Variants in RALGAPA1 observed in about 807,000 individuals in gnomAD.
RALGAPA1 encodes the protein Ral GTPase activating protein catalytic subunit alpha 1.
RALGAPA1 carries 52 observed loss-of-function variants against 269.6 expected under a neutral mutation model. That is an observed-to-expected ratio of 0.19 (90% CI 0.15 to 0.24). RALGAPA1 has a LOEUF of 0.24. RALGAPA1 is among the 10% of genes least tolerant of loss of function. The pLI is 1.00. For synonymous variants in RALGAPA1, 817 were observed against 1,008.3 expected, an observed-to-expected ratio of 0.81 and a Z score of 3.60; for missense variants, 1,917 against 3,013.9, an observed-to-expected ratio of 0.64 and a Z score of 8.52.
intron 22 of RALGAPA1, chr14:35,676,095 G>C (rs1318833352): frequency 6.6e-6 from 1 of 152,054 alleles, no homozygotes; most frequent in African/African-American, 2.4e-5. Context: ...CCCTACTCCA[G>C]AGCACCTTCA....
chr14:35,576,814 C>T, intron 37 of RALGAPA1, among the ~76,000 whole-genome samples: 1 of 152,288 alleles, frequency 6.6e-6, no homozygotes, highest in African/African-American at 2.4e-5. Context: ...GGATTCAAAC[C>T]AAGGCAGGCT....
chr14:35,694,595 C>A (rs1470844710), intron 17 of RALGAPA1, among the ~76,000 whole-genome samples: 1 of 152,110 alleles, frequency 6.6e-6, no homozygotes, highest in Non-Finnish European at 1.5e-5. Flanking sequence ...TCATTTAAAC[C>A]ACTAAAATTT....
chr14:35,685,492 A>G (rs550237733), intron 19 of RALGAPA1, among the ~76,000 whole-genome samples: 1 of 152,264 alleles, frequency 6.6e-6, no homozygotes, highest in Non-Finnish European at 1.5e-5. Context: ...GACAGCAAAG[A>G]TGTCATTCAA....
At chr14:35,761,171 CATT>C (rs1267705290) in intron 5 of RALGAPA1, among the ~76,000 whole-genome samples, 165 bp from the exon 6 acceptor site, 1 of 152,124 alleles carries the variant, frequency 6.6e-6, no homozygotes, top group Non-Finnish European at 1.5e-5. Context: ...CTATTGAAAT[CATT>C]ATTTAGAAAT....
chr14:35,635,542 C>T lies in RALGAPA1; in HGVS notation c.5733G>A (p.Lys1911=). 1 of 1,608,216 alleles carries T rather than the reference C, an allele frequency of 6.2e-7. No homozygotes were observed. Among genetic ancestry groups the T allele is most frequent in the Non-Finnish European group, 8.5e-7 (1 of 1,177,268 alleles). ...LLDWIMALPL[K]TLLQPFHATG... ...TAGCATGAAATGGTTGGAGCAGTGT[C>T]TTTAGAGGTAAGGCCATGATCCAGT... Residue 1911 remains lysine, a synonymous_variant, in exon 32 of 42, where the codon AAG becomes AAA. Coordinates refer to ENST00000680220, the MANE Select transcript of RALGAPA1 (RefSeq NM_001346249.2).
intron 6 of RALGAPA1, among the ~76,000 whole-genome samples, chr14:35,760,626 T>C (rs2073619499): frequency 6.6e-6 from 1 of 152,218 alleles, no homozygotes; most frequent in South Asian, 2.1e-4. Flanking sequence ...CCCTTCCTCT[T>C]GGGAACTGTG....
chr14:35,783,714 T>C (rs1036368139), intron 1 of RALGAPA1, among the ~76,000 whole-genome samples: 5 of 152,202 alleles, frequency 3.3e-5, no homozygotes, highest in Non-Finnish European at 5.9e-5. Flanking sequence ...AGAATTCTTA[T>C]AATTCAATTG....
intron 14 of RALGAPA1, chr14:35,723,931 A>G (rs1328200674): frequency 6.6e-6 from 1 of 152,112 alleles, no homozygotes; most frequent in Non-Finnish European, 1.5e-5. Context: ...TCATAAAATA[A>G]CGATTCTCAA....
At chr14:35,653,910 C>T (rs1004412212) in intron 30 of RALGAPA1, among the ~76,000 whole-genome samples, 1 of 152,146 alleles carries the variant, frequency 6.6e-6, no homozygotes, top group African/African-American at 2.4e-5. Context: ...GTTTTCCCTA[C>T]TTAAGAGGGA....
intron 4 of RALGAPA1, among the ~76,000 whole-genome samples, chr14:35,767,284 T>G (rs565369109): frequency 1.3e-5 from 2 of 152,152 alleles, no homozygotes; most frequent in Admixed American, 1.3e-4. Context: ...ATGCTAAAAT[T>G]TATGGGATGG....
At chr14:35,725,857 T>A (rs989982932) in intron 13 of RALGAPA1, among the ~76,000 whole-genome samples, 1 of 152,194 alleles carries the variant, frequency 6.6e-6, no homozygotes, top group African/African-American at 2.4e-5. Flanking sequence ...TTCTTTCCAC[T>A]CTTTTCATTA....
chr14:35,589,914 G>A (rs955036872), intron 37 of RALGAPA1, among the ~76,000 whole-genome samples: 6 of 151,892 alleles, frequency 4.0e-5, no homozygotes, highest in Admixed American at 6.6e-5. Context: ...GACTGATATC[G>A]AACTCCTGAG....
chr14:35,541,623 T>A (rs147335890), intron 41 of RALGAPA1: 1 of 418,424 alleles, frequency 2.4e-6, no homozygotes, highest in African/African-American at 2.0e-5. Flanking sequence ...TGACCCCCTT[T>A]AGGGAAGCAC....
At chr14:35,734,278 G>A (rs2070771651) in intron 12 of RALGAPA1, among the ~76,000 whole-genome samples, 1 of 152,078 alleles carries the variant, frequency 6.6e-6, no homozygotes, top group African/African-American at 2.4e-5. Context: ...CAAATCTGGA[G>A]GTATCACACT....
In RALGAPA1 at chr14:35,570,675, C is replaced by T. The variant is rs763875051; in HGVS notation, c.7438G>A (p.Ala2480Thr). ...GCACGGCTTGCATTTATAGCTGTTG[C>T]TCTAACCATAATGGGTAGAACCTTT... Reference protein sequence around the residue: ...NGKVLPIMVRATAINASRALK... With the variant: ...NGKVLPIMVRTTAINASRALK... Residue 2480 changes from alanine to threonine, a missense_variant, in exon 39 of 42, where the codon GCA (alanine) becomes ACA (threonine). Around this residue, in one of 11 missense-constraint regions of RALGAPA1, gnomAD observed 91 missense variants for 130.9 expected, o/e 0.70. Transcript: ENST00000680220. 2.5e-6 allele frequency: 4 copies of T among 1,611,342 alleles called. No individual in the cohort carries two copies. The highest frequency in any genetic ancestry group is 1.7e-4 in the Middle Eastern group (1 of 5,940).
chr14:35,657,250 G>A (rs1169142700), intron 28 of RALGAPA1, among the ~76,000 whole-genome samples: 2 of 150,388 alleles, frequency 1.3e-5, no homozygotes, highest in Non-Finnish European at 1.5e-5. Context: ...GTGCAGTGGC[G>A]CGATCTCGGC....
rs769486534 is a variant in RALGAPA1 at position 35,674,501 on chromosome 14, C to T, written c.4818+15G>A. 6.3e-7 allele frequency: 1 copy of T among 1,592,124 alleles called. No individual in the cohort carries two copies. On this transcript the variant is annotated intron_variant, in intron 23 of 41. Transcript: ENST00000680220. The stretch of plus-strand genomic sequence containing the variant: ...TTATTTTCTTCTCCACTTATATCCG[C>T]TATTTCTTTTTTACCTTAGCTAGAT...
At chr14:35,583,334 G>A (rs942335964) in intron 37 of RALGAPA1, among the ~76,000 whole-genome samples, 1 of 152,118 alleles carries the variant, frequency 6.6e-6, no homozygotes, top group Admixed American at 6.6e-5. Flanking sequence ...TCTTTGATAG[G>A]CTCATTCACA....
At chr14:35,605,149 T>C (rs561401727) in intron 36 of RALGAPA1, among the ~76,000 whole-genome samples, 57 of 152,256 alleles carry the variant, frequency 3.7e-4, no homozygotes, top group Admixed American at 7.9e-4. Flanking sequence ...GCTTTTCTTT[T>C]ACAAAGTAAA....
Sources: gnomAD v4.1 joint callset for allele counts (sites outside exome capture counted in the v4.1 genomes callset) on GRCh38, gnomAD v4.1.1 for gene constraint, gnomAD v4.1.1 regional missense constraint, MANE v1.5 for transcripts, NCBI Gene and HGNC (gene_info 2026-07-23, HGNC 2026-07-21) for gene names.